AKAP13: variants seen among roughly 807,000 people sequenced by gnomAD.
AKAP13 encodes A-kinase anchoring protein 13.
A neutral mutation model predicts 264.5 loss-of-function variants in AKAP13; 80 were observed. The ratio of observed to expected loss-of-function variants is 0.30; its 90% CI spans 0.25 to 0.36. The LOEUF (loss-of-function observed/expected upper bound fraction) is 0.36. Among genes scored for constraint, AKAP13 ranks in the 10% least tolerant of loss-of-function variants. The probability of loss-of-function intolerance (pLI) is 1.00; values close to 1 mark genes in which losing one functional copy is unlikely to be tolerated. For synonymous variants in AKAP13, 1,380 were observed against 1,250.2 expected (o/e 1.10, Z -2.19); for missense variants, 3,712 against 3,435.2 (o/e 1.08, Z -2.01).
intron 5 of AKAP13, among the ~76,000 whole-genome samples, chr15:85,558,344 G>A (rs1382557193): frequency 6.6e-6 from 1 of 152,126 alleles, no homozygotes; most frequent in East Asian, 1.9e-4. Flanking sequence ...TTTTTAAATA[G>A]GATTAATCAA....
chr15:85,557,040 G>T (rs144901784), intron 5 of AKAP13, among the ~76,000 whole-genome samples: 1 of 152,300 alleles, frequency 6.6e-6, no homozygotes, highest in East Asian at 1.9e-4. Context: ...TGGTTTTGTT[G>T]TTTAAGGTGT....
intron 2 of AKAP13, among the ~76,000 whole-genome samples, chr15:85,510,761 A>G (rs923931967): frequency 6.6e-6 from 1 of 152,214 alleles, no homozygotes; most frequent in Admixed American, 6.5e-5. Context: ...ACTCTGAAAT[A>G]TTTTAAATGG....
intron 25 of AKAP13, 141 bp from the exon 26 acceptor site, chr15:85,722,931 A>G (rs1205853638): frequency 3.6e-6 from 4 of 1,116,894 alleles, no homozygotes; most frequent in Non-Finnish European, 3.7e-6. Context: ...GGATAGGCAC[A>G]TGATCTCTGA....
At chr15:85,530,574 G>A (rs183806699) in intron 3 of AKAP13, among the ~76,000 whole-genome samples, 6 of 152,250 alleles carry the variant, frequency 3.9e-5, no homozygotes, top group Admixed American at 2.0e-4. Flanking sequence ...CAGATTACTT[G>A]CATCATCATC....
chr15:85,606,661 G>A (rs1034166931), intron 8 of AKAP13, among the ~76,000 whole-genome samples: 7 of 152,212 alleles, frequency 4.6e-5, no homozygotes, highest in Admixed American at 4.6e-4. Flanking sequence ...CATCATGGGG[G>A]TGACTACAGT....
intron 16 of AKAP13, chr15:85,693,074 TC>T: frequency 1.2e-6 from 1 of 850,000 alleles, no homozygotes; most frequent in Non-Finnish European, 1.7e-6. Context: ...TGCCCAGTTT[TC>T]GTGTGAATTT....
At chr15:85,578,076 T>C (rs10459684) in intron 6 of AKAP13, among the ~76,000 whole-genome samples, 93,467 of 151,982 alleles carry the variant, frequency 0.61, 28,913 homozygotes, top group Middle Eastern at 0.72. Flanking sequence ...TAGGCTCAGG[T>C]GTTGGAGAAC....
chr15:85,668,754 C>T (rs188562765), intron 13 of AKAP13, among the ~76,000 whole-genome samples: 152 of 152,234 alleles, frequency 1.0e-3, no homozygotes, highest in African/African-American at 3.6e-3. Context: ...CCAGCCTGGC[C>T]AACATGGTGA....
At position 85,579,634 on chromosome 15, in the gene AKAP13, C is replaced by A; in HGVS notation, c.1566C>A (p.His522Gln). ...NIGTAGASDVHVTSKPVDKIS... is the reference protein window; with the variant it reads ...NIGTAGASDVQVTSKPVDKIS... ...GCACAGCTGGAGCCTCTGACGTGCA[C>A]GTCACAAGTAAGCCTGTGGATAAAA... The change falls in exon 7 of 37, where the codon CAC becomes CAA. Residue 522 changes from histidine to glutamine, a missense_variant. Physicochemically the swap from His to Gln is conservative, Grantham distance 24. Coordinates refer to ENST00000394518, the MANE Select transcript of AKAP13 (RefSeq NM_007200.5). 6.2e-7 allele frequency: 1 copy of A among 1,614,188 alleles called. No homozygotes were observed. The highest frequency in any genetic ancestry group is 1.1e-5 in the South Asian group (1 of 91,088).
intron 19 of AKAP13, among the ~76,000 whole-genome samples, chr15:85,712,591 T>C (rs751751842): frequency 9.9e-5 from 15 of 152,124 alleles, no homozygotes; most frequent in South Asian, 2.1e-4. Flanking sequence ...TCACCCAGGC[T>C]GGAGTGCAGT....
chr15:85,728,136 C>A (rs928061049), intron 29 of AKAP13, among the ~76,000 whole-genome samples: 2 of 152,112 alleles, frequency 1.3e-5, no homozygotes, highest in Admixed American at 6.5e-5. Flanking sequence ...CTGGTACTCA[C>A]GTATGTAGTT....
At chr15:85,561,152 G>A (rs2078360260) in intron 5 of AKAP13, among the ~76,000 whole-genome samples, 1 of 151,328 alleles carries the variant, frequency 6.6e-6, no homozygotes, top group African/African-American at 2.4e-5. Context: ...CCGCCCCCCA[G>A]GTTCAAGTGA....
At chr15:85,474,531 A>G (rs2075082414) in intron 1 of AKAP13, among the ~76,000 whole-genome samples, 1 of 152,234 alleles carries the variant, frequency 6.6e-6, no homozygotes, top group Non-Finnish European at 1.5e-5. Context: ...ATGTTTTATG[A>G]TTAGAAATTC....
chr15:85,622,928 C>T (rs920015126), intron 8 of AKAP13, among the ~76,000 whole-genome samples: 1 of 152,094 alleles, frequency 6.6e-6, no homozygotes, highest in Non-Finnish European at 1.5e-5. Context: ...CTTTTGTTCT[C>T]TTCTTTCTCA....
At chr15:85,460,732 G>A (rs1220141935) in intron 1 of AKAP13, among the ~76,000 whole-genome samples, 1 of 152,228 alleles carries the variant, frequency 6.6e-6, no homozygotes, top group East Asian at 1.9e-4. Context: ...GACAATTGAA[G>A]AAAGGTCAGA....
intron 35 of AKAP13, among the ~76,000 whole-genome samples, chr15:85,742,924 T>G (rs561272888): frequency 1.3e-5 from 2 of 152,178 alleles, no homozygotes; most frequent in South Asian, 2.1e-4. Flanking sequence ...TTTTATGACA[T>G]AAGGAGGGAT....
chr15:85,401,430 C>T (rs1019883413), intron 1 of AKAP13, among the ~76,000 whole-genome samples: 1 of 152,182 alleles, frequency 6.6e-6, no homozygotes, highest in Non-Finnish European at 1.5e-5. Context: ...CCCAAAGGAC[C>T]TCTGTTTTGG....
intron 1 of AKAP13, among the ~76,000 whole-genome samples, chr15:85,434,761 C>A (rs552496423): frequency 2.2e-4 from 33 of 152,104 alleles, no homozygotes; most frequent in African/African-American, 7.5e-4. Flanking sequence ...GCTGAGGGTC[C>A]TGTCTGTTAG....
chr15:85,398,587 A>G lies in AKAP13; in HGVS notation c.-12+17789A>G, dbSNP rs555842728. On this transcript the variant is annotated intron_variant, in intron 1 of 36. Coordinates refer to ENST00000394518, the MANE Select transcript of AKAP13 (RefSeq NM_007200.5). ...TTTGTTGTTGTTGAGACAGAGTCTC[A>G]CTCTGTCGCCCAGGCCAGAGTGCAG... Among the ~76,000 whole-genome samples, 6 of 152,146 alleles carry G rather than the reference A, an allele frequency of 3.9e-5. No homozygotes were observed. The South Asian group carries it at 1.2e-3, about 32-fold the overall frequency.
Sources: allele counts gnomAD v4.1 joint callset (sites outside exome capture counted in the v4.1 genomes callset), GRCh38; gene constraint gnomAD v4.1.1; transcripts MANE v1.5; gene names NCBI Gene and HGNC (gene_info 2026-07-23, HGNC 2026-07-21).